MDGA2: variants seen among roughly 807,000 people sequenced by gnomAD.
The protein encoded by MDGA2 is MAM domain containing glycosylphosphatidylinositol anchor 2.
In MDGA2, 40 loss-of-function variants were observed where a neutral mutation model predicts 117.8. The ratio of observed to expected loss-of-function variants is 0.34; its 90% CI spans 0.26 to 0.44. The LOEUF (loss-of-function observed/expected upper bound fraction) is 0.44, where lower values mean the gene tolerates loss of function less well. Among genes scored for constraint, MDGA2 ranks in the 20% least tolerant of loss-of-function variants. MDGA2 has a pLI of 1.00. For synonymous variants in MDGA2, 452 were observed against 439.0 expected (o/e 1.03, Z -0.37); for missense variants, 1,123 against 1,250.6 (o/e 0.90, Z 1.54).
intron 1 of MDGA2, among the ~76,000 whole-genome samples, chr14:47,555,986 A>G (rs1220384623): frequency 6.6e-6 from 1 of 152,162 alleles, no homozygotes; most frequent in East Asian, 1.9e-4. Context: ...CCTTTGCTTA[A>G]AAGTTTTGAC....
chr14:47,379,842 G>T (rs148950801), intron 1 of MDGA2, among the ~76,000 whole-genome samples: 1 of 152,090 alleles, frequency 6.6e-6, no homozygotes, highest in Admixed American at 6.6e-5. Flanking sequence ...GGATATCCAG[G>T]AACTGAACTC....
At chr14:47,509,304 T>A (rs1894588597) in intron 1 of MDGA2, among the ~76,000 whole-genome samples, 1 of 152,212 alleles carries the variant, frequency 6.6e-6, no homozygotes, top group South Asian at 2.1e-4. Flanking sequence ...AAATGTTTAT[T>A]CTGGAACTAA....
intron 2 of MDGA2, among the ~76,000 whole-genome samples, chr14:47,263,496 T>C (rs936939801): frequency 1.3e-5 from 2 of 152,272 alleles, no homozygotes; most frequent in African/African-American, 4.8e-5. Context: ...CTACTACTAG[T>C]TTTTTAGTGT....
intron 8 of MDGA2, among the ~76,000 whole-genome samples, chr14:46,993,261 C>A (rs923496358): frequency 2.0e-5 from 3 of 152,030 alleles, no homozygotes; most frequent in African/African-American, 7.2e-5. Flanking sequence ...CTTGAAAACA[C>A]CTGGAAGCAA....
At chr14:47,082,918 T>A (rs955998525) in intron 6 of MDGA2, among the ~76,000 whole-genome samples, 1 of 151,434 alleles carries the variant, frequency 6.6e-6, no homozygotes, top group Admixed American at 6.6e-5. Flanking sequence ...TGAAAAAAAA[T>A]TAAATAAGTG....
intron 3 of MDGA2, among the ~76,000 whole-genome samples, chr14:47,147,544 T>C (rs1339462739): frequency 1.3e-5 from 2 of 152,166 alleles, no homozygotes; most frequent in Non-Finnish European, 1.5e-5. Context: ...TTTGTGCTAC[T>C]CCTCGCTAGG....
intron 1 of MDGA2, among the ~76,000 whole-genome samples, chr14:47,481,709 G>T (rs755328111): frequency 1.3e-5 from 2 of 151,870 alleles, no homozygotes; most frequent in Non-Finnish European, 2.9e-5. Flanking sequence ...GGCATTCAAA[G>T]ACAAAAACAT....
chr14:47,177,332 C>T (rs113741703), intron 3 of MDGA2, among the ~76,000 whole-genome samples: 12,474 of 152,032 alleles, frequency 0.082, 540 homozygotes, highest in Non-Finnish European at 0.087. Flanking sequence ...AATCATGCTG[C>T]TATAAAGACA....
intron 1 of MDGA2, among the ~76,000 whole-genome samples, chr14:47,517,046 C>T (rs182255788): frequency 6.6e-6 from 1 of 152,206 alleles, no homozygotes; most frequent in East Asian, 1.9e-4. Flanking sequence ...TGAGACTCAG[C>T]ATAGTTGTAT....
intron 1 of MDGA2, among the ~76,000 whole-genome samples, chr14:47,569,148 G>T (rs1352785596): frequency 6.6e-6 from 1 of 151,798 alleles, no homozygotes; most frequent in Non-Finnish European, 1.5e-5. Context: ...ATAAGACAGG[G>T]TGAGAAAAAA....
At chr14:47,581,698 T>C (rs558557614) in intron 1 of MDGA2, among the ~76,000 whole-genome samples, 1 of 152,090 alleles carries the variant, frequency 6.6e-6, no homozygotes, top group South Asian at 2.1e-4. Context: ...TCTCTTTTGC[T>C]TCTTCGTGGA....
chr14:47,008,760 C>A (rs962269947), intron 8 of MDGA2, among the ~76,000 whole-genome samples: 1 of 151,824 alleles, frequency 6.6e-6, no homozygotes, highest in African/African-American at 2.4e-5. Context: ...AATTAAAATG[C>A]TTTATACATA....
At chr14:47,385,577 A>AT (rs1338994057) in intron 1 of MDGA2, among the ~76,000 whole-genome samples, 2 of 152,026 alleles carry the variant, frequency 1.3e-5, no homozygotes, top group African/African-American at 4.8e-5. Flanking sequence ...TTAAAAAGCT[A>AT]TTTTTTTCTT....
intron 1 of MDGA2, among the ~76,000 whole-genome samples, chr14:47,327,350 T>C (rs1890173802): frequency 6.6e-6 from 1 of 152,178 alleles, no homozygotes; most frequent in African/African-American, 2.4e-5. Flanking sequence ...TCCAGCGCAT[T>C]TGTGTGCCTT....
In MDGA2 at chr14:47,149,214, C is replaced by T. The variant is rs112907586; in HGVS notation, c.596-4940G>A. Reference sequence around the variant, plus strand: ...CTGAGGCAGGAGAATTGCTTGAACCCGGGAGGTGAAGGTTGCAGTGAGCCA... The same window carrying T: ...CTGAGGCAGGAGAATTGCTTGAACCTGGGAGGTGAAGGTTGCAGTGAGCCA... On this transcript the variant is annotated intron_variant, in intron 3 of 16. Coordinates refer to ENST00000399232, the MANE Select transcript of MDGA2 (RefSeq NM_001113498.3). Among the ~76,000 whole-genome samples the T allele has an allele frequency of 1.3e-3, 193 of 152,150 alleles. 2 individuals are homozygous for T. The highest frequency in any genetic ancestry group is 3.7e-3 in the African/African-American group (155 of 41,472).
chr14:47,570,355 T>G (rs1032172940), intron 1 of MDGA2, among the ~76,000 whole-genome samples: 1 of 152,166 alleles, frequency 6.6e-6, no homozygotes, highest in African/African-American at 2.4e-5. Flanking sequence ...AAGCTGCTAC[T>G]ATCATATTCA....
intron 1 of MDGA2, among the ~76,000 whole-genome samples, chr14:47,384,599 T>G (rs1891715786): frequency 1.3e-5 from 2 of 152,116 alleles, no homozygotes; most frequent in South Asian, 4.1e-4. Flanking sequence ...TTTCATACTT[T>G]TATGTTTTGC....
At chr14:47,318,623 C>T (rs1004928175) in intron 1 of MDGA2, among the ~76,000 whole-genome samples, 5 of 152,070 alleles carry the variant, frequency 3.3e-5, no homozygotes, top group South Asian at 4.1e-4. Flanking sequence ...CAAGCAAGAA[C>T]GGCACCTGAT....
intron 1 of MDGA2, among the ~76,000 whole-genome samples, chr14:47,389,624 A>C (rs980080937): frequency 2.1e-5 from 3 of 142,014 alleles, no homozygotes; most frequent in South Asian, 4.3e-4. Context: ...ACACACACAC[A>C]CACACACACA....
Sources: allele counts gnomAD v4.1 joint callset (sites outside exome capture counted in the v4.1 genomes callset), GRCh38; gene constraint gnomAD v4.1.1; transcripts MANE v1.5; gene names NCBI Gene and HGNC (gene_info 2026-07-23, HGNC 2026-07-21).